CFAP70: variants seen among roughly 807,000 people sequenced by gnomAD.
CFAP70 encodes the protein cilia- and flagella-associated protein 70.
CFAP70 carries 81 observed loss-of-function variants against 137.6 expected under a neutral mutation model. That is an observed-to-expected ratio of 0.59 (90% CI 0.49 to 0.71). CFAP70 has a LOEUF of 0.71. Among genes scored for constraint, CFAP70 ranks in the 30% least tolerant of loss-of-function variants. CFAP70 has a pLI of 0.00. For synonymous variants in CFAP70, 382 were observed against 423.6 expected, an observed-to-expected ratio of 0.90 and a Z score of 1.20; for missense variants, 976 against 1,226.7, an observed-to-expected ratio of 0.80 and a Z score of 3.05.
At chr10:73,351,750 A>C (rs1564891504) in intron 3 of CFAP70, among the ~76,000 whole-genome samples, 1 of 152,164 alleles carries the variant, frequency 6.6e-6, no homozygotes, top group South Asian at 2.1e-4. Flanking sequence ...TTTTAATTCA[A>C]TTTGAGATCT....
intron 7 of CFAP70, among the ~76,000 whole-genome samples, chr10:73,334,118 T>G (rs2052389790): frequency 1.3e-5 from 2 of 152,224 alleles, no homozygotes; most frequent in South Asian, 4.1e-4. Context: ...TCATTCATAT[T>G]GTATATATAT....
At chr10:73,257,802 A>G (rs190235859) in intron 25 of CFAP70, among the ~76,000 whole-genome samples, 2 of 152,318 alleles carry the variant, frequency 1.3e-5, no homozygotes, top group East Asian at 1.9e-4. Context: ...AATTTTGAAA[A>G]ATAATTTTTC....
intron 5 of CFAP70, among the ~76,000 whole-genome samples, chr10:73,343,687 C>T (rs1209999175): frequency 1.3e-5 from 2 of 151,746 alleles, no homozygotes; most frequent in South Asian, 4.2e-4. Context: ...CTAGCCTGGG[C>T]GACAGAGTGA....
At chr10:73,280,307 AAAAG>A (rs2047167482) in intron 19 of CFAP70, among the ~76,000 whole-genome samples, 1 of 152,128 alleles carries the variant, frequency 6.6e-6, no homozygotes, top group Non-Finnish European at 1.5e-5. Context: ...TGTCTCTTAA[AAAAG>A]AATAATAATA....
At chr10:73,342,962 G>A (rs1475423631) in intron 5 of CFAP70, among the ~76,000 whole-genome samples, 2 of 152,056 alleles carry the variant, frequency 1.3e-5, no homozygotes, top group East Asian at 3.9e-4. Flanking sequence ...TGTAATCCCA[G>A]CACTTTGGGA....
chr10:73,341,904 C>G (rs1331490962), intron 5 of CFAP70, among the ~76,000 whole-genome samples: 2 of 152,174 alleles, frequency 1.3e-5, no homozygotes, highest in Non-Finnish European at 2.9e-5. Context: ...TTTCAGCATT[C>G]CTGATGCCTA....
intron 12 of CFAP70, among the ~76,000 whole-genome samples, chr10:73,303,112 G>A (rs1589412115): frequency 6.6e-6 from 1 of 152,154 alleles, no homozygotes; most frequent in East Asian, 1.9e-4. Flanking sequence ...GCCCAGGCTA[G>A]TCTCAAACTT....
At chr10:73,265,031 A>G (rs1352846282) in intron 25 of CFAP70, among the ~76,000 whole-genome samples, 1 of 152,140 alleles carries the variant, frequency 6.6e-6, no homozygotes, top group East Asian at 1.9e-4. Context: ...TTTTTGCACT[A>G]AAGAAGAGAT....
chr10:73,310,837 C>A (rs2049851985), intron 11 of CFAP70, among the ~76,000 whole-genome samples: 1 of 152,154 alleles, frequency 6.6e-6, no homozygotes, highest in African/African-American at 2.4e-5. Context: ...CTCATCAATA[C>A]CCCCAAAGCT....
intron 26 of CFAP70, among the ~76,000 whole-genome samples, chr10:73,254,960 C>G (rs935816566): frequency 3.9e-5 from 6 of 152,130 alleles, no homozygotes; most frequent in African/African-American, 1.4e-4. Context: ...AAGTTACTTG[C>G]AATTCATAAC....
chr10:73,329,253 C>T (rs1246165669), intron 8 of CFAP70, among the ~76,000 whole-genome samples: 1 of 152,128 alleles, frequency 6.6e-6, no homozygotes, highest in Non-Finnish European at 1.5e-5. Flanking sequence ...AAAAACCAAA[C>T]ACCGCATGTT....
At chr10:73,279,685 C>T (rs989969861) in intron 19 of CFAP70, among the ~76,000 whole-genome samples, 2 of 151,746 alleles carry the variant, frequency 1.3e-5, no homozygotes, top group Admixed American at 1.3e-4. Context: ...ACAGTGAGAC[C>T]TCATCTCTAC....
intron 25 of CFAP70, among the ~76,000 whole-genome samples, chr10:73,263,776 G>A (rs1215053981): frequency 6.6e-6 from 1 of 152,242 alleles, no homozygotes; most frequent in East Asian, 1.9e-4. Flanking sequence ...GATACTTTGA[G>A]ACTATGAAAT....
rs1385005644 is a variant in CFAP70, at chr10:73,287,985, C to A, written c.2239+3241G>T. 4.6e-5 allele frequency among the ~76,000 whole-genome samples: 7 copies of A among 152,234 alleles called. No homozygotes were observed. In the East Asian group the frequency reaches 1.2e-3, roughly 25 times the overall value. ...CAATCTGATCTCACTGCAACCTCTG[C>A]CTCCCAGGTTCAAGTGATTCTCCTG... On this transcript the variant is annotated intron_variant, in intron 19 of 26. Transcript: ENST00000310715.
intron 12 of CFAP70, among the ~76,000 whole-genome samples, chr10:73,305,208 A>G (rs2049284667): frequency 6.6e-6 from 1 of 152,200 alleles, no homozygotes; most frequent in Non-Finnish European, 1.5e-5. Flanking sequence ...CAGTGCGGAA[A>G]AGCACTGAAA....
In CFAP70 at chr10:73,323,331, CG is replaced by C. The variant is rs375347388; in HGVS notation, c.778-235del. ...ATATAAACAGTGTTAATGGCGGGGG[CG>C]GGGGGGGGGCAGCCAAGATGGCCGA... On this transcript the variant is annotated intron_variant, in intron 8 of 26. Transcript: ENST00000310715. Among the ~76,000 whole-genome samples, 357 of 47,406 alleles carry C rather than the reference CG, an allele frequency of 7.5e-3. 2 individuals carry two copies. Among genetic ancestry groups the C allele is most frequent in the Non-Finnish European group, 9.3e-3 (236 of 25,334 alleles). 31.1% of individuals were successfully genotyped at this position (47,406 alleles called of 152,430 possible).
chr10:73,268,364 CCT>C (rs1214722992), intron 25 of CFAP70, among the ~76,000 whole-genome samples: 1 of 151,950 alleles, frequency 6.6e-6, no homozygotes, highest in African/African-American at 2.4e-5. Context: ...TTGTTGAACC[CCT>C]CTTTCTGGTT....
At chr10:73,306,473 A>C (rs1158804791) in intron 12 of CFAP70, among the ~76,000 whole-genome samples, 1 of 152,214 alleles carries the variant, frequency 6.6e-6, no homozygotes, top group Non-Finnish European at 1.5e-5. Flanking sequence ...TGTCACATAC[A>C]AGTGATCCTC....
intron 25 of CFAP70, among the ~76,000 whole-genome samples, chr10:73,259,468 G>A (rs1383631484): frequency 6.6e-6 from 1 of 151,872 alleles, no homozygotes; most frequent in African/African-American, 2.4e-5. Flanking sequence ...CCCCTCCTTT[G>A]TTTTTTCTTT....
Sources: gnomAD v4.1 joint callset for allele counts (sites outside exome capture counted in the v4.1 genomes callset) on GRCh38, gnomAD v4.1.1 for gene constraint, MANE v1.5 for transcripts, NCBI Gene and HGNC (gene_info 2026-07-23, HGNC 2026-07-21) for gene names.